Variants in CENPP observed in about 807,000 individuals in gnomAD.
CENPP encodes centromere protein P.
A neutral mutation model predicts 35.6 loss-of-function variants in CENPP; 24 were observed. The observed-to-expected ratio is 0.67, with a 90% CI of 0.49 to 0.95. The LOEUF is 0.95. Among genes scored for constraint, CENPP ranks in the 40% least tolerant of loss-of-function variants. The pLI, the probability that CENPP is intolerant of heterozygous loss-of-function variation, is 0.00. For synonymous variants in CENPP, 120 were observed against 125.5 expected (o/e 0.96, Z 0.29); for missense variants, 332 against 345.3 (o/e 0.96, Z 0.31).
intron 4 of CENPP, among the ~76,000 whole-genome samples, chr9:92,350,729 C>A (rs1841419631): frequency 6.6e-6 from 1 of 152,160 alleles, no homozygotes; most frequent in Non-Finnish European, 1.5e-5. Flanking sequence ...AGTTATTAGA[C>A]TGACTTTTAA....
chr9:92,400,189 C>T (rs1201076457), intron 5 of CENPP, among the ~76,000 whole-genome samples: 5 of 152,036 alleles, frequency 3.3e-5, no homozygotes, highest in Admixed American at 6.6e-5. Flanking sequence ...CTTGCTCTGC[C>T]GCCTAGGCTG....
At chr9:92,326,209 A>C in intron 1 of CENPP, 104 bp downstream of exon 1, 1 of 749,044 alleles carries the variant, frequency 1.3e-6, no homozygotes, top group Non-Finnish European at 2.2e-6. Flanking sequence ...CAGCCCTAGA[A>C]AGTGGGCATG....
At chr9:92,516,817 C>T (rs1326153297) in intron 5 of CENPP, 1 of 152,130 alleles carries the variant, frequency 6.6e-6, no homozygotes. Context: ...TAGTATAACG[C>T]AAAACACAAT....
intron 5 of CENPP, among the ~76,000 whole-genome samples, chr9:92,406,452 GC>G (rs1364162836): frequency 6.6e-6 from 1 of 152,158 alleles, no homozygotes. Context: ...CTCTAATGTT[GC>G]ATTGCTGAAG....
intron 4 of CENPP, among the ~76,000 whole-genome samples, chr9:92,352,503 G>GTATATATATATATATATATATATA (rs1554753073): frequency 1.4e-5 from 1 of 68,994 alleles, no homozygotes; most frequent in Non-Finnish European, 2.5e-5. Context: ...GTGTGTGTGT[G>GTATATATATATATATATATATATA]TGTATACATA....
chr9:92,334,119 G>C (rs2130782204), intron 2 of CENPP, among the ~76,000 whole-genome samples: 1 of 128,052 alleles, frequency 7.8e-6, no homozygotes, highest in South Asian at 2.3e-4. Flanking sequence ...AATGAGAGTA[G>C]GGTTTTTTTT....
chr9:92,329,168 A>G (rs1840658229), intron 1 of CENPP, among the ~76,000 whole-genome samples: 1 of 143,950 alleles, frequency 6.9e-6, no homozygotes, highest in Non-Finnish European at 1.5e-5. Context: ...TCAGAAGCTC[A>G]TTTATATTTA....
In CENPP at chr9:92,618,704, C is replaced by T. The variant is rs749235651; in HGVS notation, c.*5555C>T. On this transcript the variant is annotated 3_prime_UTR_variant, in exon 8 of 8. Coordinates refer to ENST00000375587, the MANE Select transcript of CENPP (RefSeq NM_001012267.3). ...CTACTTCAGTTAGCCCTATAATGTT[C>T]CTCAGTATTTCATATTGGAAAGTAA... is the stretch of plus-strand genomic sequence containing the variant. The T allele has an allele frequency of 3.9e-5, 15 of 379,820 alleles. No homozygotes were observed. Among genetic ancestry groups the T allele is most frequent in the South Asian group, 2.0e-4 (10 of 50,686 alleles). 23.5% of individuals were successfully genotyped at this position (379,820 alleles called of 1,614,324 possible). A position where few individuals can be genotyped will look rare whatever the true frequency, so the allele number is the denominator to read the frequency against.
intron 5 of CENPP, among the ~76,000 whole-genome samples, chr9:92,493,229 T>A (rs1846223005): frequency 6.6e-6 from 1 of 152,156 alleles, no homozygotes; most frequent in Admixed American, 6.5e-5. Flanking sequence ...AAGAGAGAGG[T>A]CTGTTCACTT....
intron 5 of CENPP, among the ~76,000 whole-genome samples, chr9:92,557,685 C>T (rs557981144): frequency 6.6e-6 from 1 of 152,244 alleles, no homozygotes; most frequent in Non-Finnish European, 1.5e-5. Context: ...GCTCTGTCGC[C>T]AGTCTGCAGT....
intron 5 of CENPP, among the ~76,000 whole-genome samples, chr9:92,477,877 A>ACTGTGACTT (rs1845767578): frequency 1.3e-5 from 2 of 152,254 alleles, no homozygotes; most frequent in South Asian, 4.1e-4. Flanking sequence ...AACTGTATAT[A>ACTGTGACTT]CTGTGACTTA....
intron 5 of CENPP, among the ~76,000 whole-genome samples, chr9:92,569,512 A>G (rs1475151021): frequency 2.0e-4 from 30 of 152,272 alleles, no homozygotes; most frequent in African/African-American, 7.0e-4. Context: ...GTCAGGTAGC[A>G]TGATGCCTCC....
rs73520503 is a variant in CENPP, at chr9:92,383,298, G to A, written c.564+3439G>A. On this transcript the variant is annotated intron_variant, in intron 5 of 7. Coordinates refer to ENST00000375587, the MANE Select transcript of CENPP (RefSeq NM_001012267.3). ...ATTTTCAAGATTCTTCTCTTTATTT[G>A]GGGGTCTCTTGAAGTTCCATTTTAT... is the stretch of plus-strand genomic sequence containing the variant. Among the ~76,000 whole-genome samples the A allele has an allele frequency of 2.8e-3, 431 of 152,154 alleles. 4 individuals are homozygous for A. The highest frequency in any genetic ancestry group is 9.7e-3 in the African/African-American group (401 of 41,496).
intron 5 of CENPP, among the ~76,000 whole-genome samples, chr9:92,572,982 G>A (rs1436870016): frequency 6.6e-6 from 1 of 152,058 alleles, no homozygotes; most frequent in East Asian, 1.9e-4. Context: ...ATTCTAGTTA[G>A]CCATTCGTCT....
chr9:92,600,495 G>A, intron 5 of CENPP: 1 of 1,612,908 alleles, frequency 6.2e-7, no homozygotes, highest in Non-Finnish European at 8.5e-7. Flanking sequence ...GTTCTGCAAA[G>A]GTCTGGAGAT....
At chr9:92,573,201 C>T (rs1278121503) in intron 5 of CENPP, among the ~76,000 whole-genome samples, 1 of 152,208 alleles carries the variant, frequency 6.6e-6, no homozygotes, top group Non-Finnish European at 1.5e-5. Flanking sequence ...TTCAGCTTTT[C>T]TGCTCTGGTT....
At chr9:92,345,491 C>CAA (rs34508753) in intron 3 of CENPP, among the ~76,000 whole-genome samples, 32 of 75,982 alleles carry the variant, frequency 4.2e-4, no homozygotes, top group Admixed American at 8.7e-4. Context: ...ACTCCGTCTC[C>CAA]AAAAAAAAAA....
intron 5 of CENPP, among the ~76,000 whole-genome samples, chr9:92,590,648 C>T (rs1850643317): frequency 6.6e-6 from 1 of 152,212 alleles, no homozygotes; most frequent in East Asian, 1.9e-4. Context: ...CACAACATCT[C>T]TCTGTTTCCA....
Position 92,449,437 on chromosome 9 carries a change from CAAAAAAAAAAAAAAAAAAAAAAAA to C in CENPP, c.564+69596_564+69619del, listed in dbSNP as rs56218626. ...TGGGTGATGAGCGAGACTCTATCTCCAAAAAAAAAAAAAAAAAAAAAAAAAAAAAAAAAAAAAAAAATACCAGAT... is the reference window on the plus strand; with the variant it reads ...TGGGTGATGAGCGAGACTCTATCTCCAAAAAAAAAAAAAAAAATACCAGAT... On this transcript the variant is annotated intron_variant, in intron 5 of 7. Coordinates refer to ENST00000375587, the MANE Select transcript of CENPP (RefSeq NM_001012267.3). Among the ~76,000 whole-genome samples, 334 of 54,952 alleles carry C rather than the reference CAAAAAAAAAAAAAAAAAAAAAAAA, an allele frequency of 6.1e-3. 2 individuals are homozygous for C. The highest frequency in any genetic ancestry group is 0.011 in the African/African-American group (158 of 14,894). The allele number at this position is 54,952 out of a possible 152,430, so 36.1% of individuals were successfully genotyped here.
Sources: gnomAD v4.1 joint callset for allele counts (sites outside exome capture counted in the v4.1 genomes callset) on GRCh38, gnomAD v4.1.1 for gene constraint, MANE v1.5 for transcripts, NCBI Gene and HGNC (gene_info 2026-07-23, HGNC 2026-07-21) for gene names.